PVT1: variants seen among roughly 807,000 people sequenced by gnomAD.
The protein encoded by PVT1 is Pvt1 oncogene.
rs1816267203 is a variant in PVT1, at chr8:127,935,938, A to C, written n.782+44940A>C. Reference sequence around the variant, plus strand: ...GGGTGGTGTGGCCCAAAGATTGAGAATCTTGTCAGGGGTGGCCACGTGAGG... The same window carrying C: ...GGGTGGTGTGGCCCAAAGATTGAGACTCTTGTCAGGGGTGGCCACGTGAGG... On this transcript the variant is annotated intron_variant and non_coding_transcript_variant, in intron 3 of 10. Coordinates refer to ENST00000651587, the Ensembl canonical transcript of PVT1. Among the ~76,000 whole-genome samples the C allele has an allele frequency of 2.6e-5, 4 of 151,142 alleles. No individual in the cohort carries two copies. The South Asian group carries it at 8.4e-4, about 32-fold the overall frequency.
intron 2 of PVT1, among the ~76,000 whole-genome samples, chr8:127,853,971 G>C (rs751437): frequency 2.6e-5 from 4 of 151,926 alleles, no homozygotes; most frequent in Admixed American, 6.5e-5. Flanking sequence ...CTTTCTGTAC[G>C]GCGTTTTCTC....
intron 2 of PVT1, among the ~76,000 whole-genome samples, chr8:127,868,543 A>G (rs1815310365): frequency 6.6e-6 from 1 of 151,532 alleles, no homozygotes; most frequent in Non-Finnish European, 1.5e-5. Flanking sequence ...GCATGCCACC[A>G]CACCCAGCTA....
intron 3 of PVT1, among the ~76,000 whole-genome samples, chr8:127,911,437 C>T (rs2129846054): frequency 6.6e-6 from 1 of 152,332 alleles, no homozygotes; most frequent in South Asian, 2.1e-4. Flanking sequence ...ACCTGGCCGG[C>T]CTTGCAAAGG....
At chr8:127,954,926 T>G (rs1336219014) in intron 3 of PVT1, among the ~76,000 whole-genome samples, 1 of 152,214 alleles carries the variant, frequency 6.6e-6, no homozygotes, top group African/African-American at 2.4e-5. Flanking sequence ...ATTCAAAACA[T>G]TTAGGATGAA....
At chr8:127,812,656 G>A (rs1478931878) in intron 2 of PVT1, among the ~76,000 whole-genome samples, 2 of 149,662 alleles carry the variant, frequency 1.3e-5, no homozygotes, top group Non-Finnish European at 3.0e-5. Flanking sequence ...GAAGGGAAGG[G>A]AAGGAAGGGA....
chr8:127,947,842 A>T (rs963123159), intron 3 of PVT1: 2 of 456,558 alleles, frequency 4.4e-6, no homozygotes, highest in African/African-American at 2.0e-5. Flanking sequence ...TTTATTAAGC[A>T]CTTACTTTGT....
chr8:127,855,389 A>G (rs1000715044), intron 2 of PVT1: 67 of 393,730 alleles, frequency 1.7e-4, no homozygotes, highest in Non-Finnish European at 1.1e-4. Context: ...CGCTGACCCC[A>G]AGGGGAAACC....
At chr8:127,960,758 G>A in intron 3 of PVT1, 1 of 458,172 alleles carries the variant, frequency 2.2e-6, no homozygotes, top group South Asian at 1.7e-5. Flanking sequence ...TGTGGGGAGA[G>A]AGTATTATTG....
intron 4 of PVT1, among the ~76,000 whole-genome samples, chr8:128,024,267 T>A (rs865933871): frequency 1.3e-5 from 2 of 152,178 alleles, no homozygotes; most frequent in Non-Finnish European, 2.9e-5. Context: ...TTGGTGTGAC[T>A]TATTGAGATC....
At chr8:128,041,443 A>G (rs55947739) in intron 4 of PVT1, among the ~76,000 whole-genome samples, 90,315 of 145,484 alleles carry the variant, frequency 0.62, 27,537 homozygotes, top group East Asian at 0.8. Context: ...GTGCATGTGT[A>G]TGTGTTTGGC....
chr8:127,833,363 C>G (rs938026197), intron 2 of PVT1, among the ~76,000 whole-genome samples: 3 of 152,148 alleles, frequency 2.0e-5, no homozygotes, highest in Admixed American at 6.5e-5. Flanking sequence ...TGAAGCTGCT[C>G]CTCTCTCCTG....
intron 2 of PVT1, among the ~76,000 whole-genome samples, chr8:127,847,612 C>T (rs943358557): frequency 6.6e-6 from 1 of 152,200 alleles, no homozygotes; most frequent in Non-Finnish European, 1.5e-5. Context: ...CAAATGATGA[C>T]ACATTGTGCT....
chr8:128,040,373 G>C (rs1813516375), intron 4 of PVT1, among the ~76,000 whole-genome samples: 1 of 152,136 alleles, frequency 6.6e-6, no homozygotes, highest in Admixed American at 6.6e-5. Context: ...TCTTCCTAGG[G>C]GCTCCAGCTT....
intron 2 of PVT1, among the ~76,000 whole-genome samples, chr8:127,876,566 C>T (rs957889398): frequency 2.0e-5 from 3 of 152,014 alleles, no homozygotes; most frequent in East Asian, 1.9e-4. Context: ...CTCCCGCTTT[C>T]GTCCTTTACC....
At chr8:128,024,815 G>A (rs1257170988) in intron 4 of PVT1, among the ~76,000 whole-genome samples, 1 of 152,090 alleles carries the variant, frequency 6.6e-6, no homozygotes, top group Non-Finnish European at 1.5e-5. Flanking sequence ...TTTGGGAAGA[G>A]GCCTGAGGGC....
chr8:128,087,752 T>A (rs1371586582), intron 5 of PVT1, among the ~76,000 whole-genome samples: 2 of 118,482 alleles, frequency 1.7e-5, no homozygotes, highest in African/African-American at 2.8e-5. Flanking sequence ...TGCTACTTTT[T>A]TTTTTTTTTT....
Position 127,930,270 on chromosome 8 carries a change from C to T in PVT1, n.782+39272C>T, listed in dbSNP as rs1326767256. ...CTCCTGAGTTCAAGCGATTCTTGTG[C>T]CTCAGCCTCCCAATTAGCTGGGATT... On this transcript the variant is annotated intron_variant and non_coding_transcript_variant, in intron 3 of 10. Coordinates refer to ENST00000651587, the Ensembl canonical transcript of PVT1. Among the ~76,000 whole-genome samples, 7 of 152,290 alleles carry T rather than the reference C, an allele frequency of 4.6e-5. No homozygotes were observed. In the South Asian group the frequency reaches 8.3e-4, roughly 18 times the overall value.
chr8:128,093,535 G>C (rs1020589693), intron 5 of PVT1, among the ~76,000 whole-genome samples: 1 of 151,948 alleles, frequency 6.6e-6, no homozygotes, highest in African/African-American at 2.4e-5. Context: ...CCAGCCTGGG[G>C]GACAAGAGCA....
At chr8:127,808,202 G>A (rs890352446) in intron 2 of PVT1, among the ~76,000 whole-genome samples, 2 of 151,906 alleles carry the variant, frequency 1.3e-5, no homozygotes, top group East Asian at 1.9e-4. Context: ...CACAACCCCC[G>A]TCTGGCTAAT....
Sources: gnomAD v4.1 joint callset for allele counts (sites outside exome capture counted in the v4.1 genomes callset) on GRCh38, gnomAD v4.1.1 for gene constraint, MANE v1.5 for transcripts, NCBI Gene and HGNC (gene_info 2026-07-23, HGNC 2026-07-21) for gene names.